EXOC6B: variants seen among roughly 807,000 people sequenced by gnomAD.
The protein encoded by EXOC6B is exocyst complex component 6B, also known as SEC15 homolog B.
A neutral mutation model predicts 113.5 loss-of-function variants in EXOC6B; 54 were observed. The ratio of observed to expected loss-of-function variants is 0.48; its 90% confidence interval spans 0.38 to 0.60. The LOEUF (loss-of-function observed/expected upper bound fraction) is 0.60. Among genes scored for constraint, EXOC6B ranks in the 20% least tolerant of loss-of-function variants. EXOC6B has a pLI of 0.00. For synonymous variants in EXOC6B, 357 were observed against 339.0 expected, an observed-to-expected ratio of 1.05 and a Z score of -0.58; for missense variants, 797 against 977.5, an observed-to-expected ratio of 0.82 and a Z score of 2.46.
intron 18 of EXOC6B, among the ~76,000 whole-genome samples, chr2:72,405,655 A>C (rs910251855): frequency 3.9e-5 from 6 of 152,124 alleles, no homozygotes; most frequent in Admixed American, 2.6e-4. Flanking sequence ...CAAATGCTGA[A>C]AGATTTTGTC....
At chr2:72,786,225 A>G (rs79097900) in intron 1 of EXOC6B, among the ~76,000 whole-genome samples, 2,481 of 152,362 alleles carry the variant, frequency 0.016, 89 homozygotes, top group African/African-American at 0.057. Context: ...ATACCAACAT[A>G]GATGCCAGAA....
intron 17 of EXOC6B, among the ~76,000 whole-genome samples, chr2:72,478,366 C>A (rs1297878614): frequency 6.6e-6 from 1 of 152,164 alleles, no homozygotes; most frequent in East Asian, 1.9e-4. Context: ...CTCTTTCTAC[C>A]CCTTTTCCAG....
At chr2:72,679,082 T>C (rs1046219062) in intron 6 of EXOC6B, among the ~76,000 whole-genome samples, 10 of 152,192 alleles carry the variant, frequency 6.6e-5, no homozygotes, top group African/African-American at 2.4e-4. Flanking sequence ...TCTTTTTTTT[T>C]TTTAAACAGA....
intron 18 of EXOC6B, among the ~76,000 whole-genome samples, chr2:72,387,560 G>A (rs1692112355): frequency 6.6e-6 from 1 of 152,008 alleles, no homozygotes; most frequent in Non-Finnish European, 1.5e-5. Context: ...TGTAATTTGT[G>A]TCTTTTATAA....
intron 20 of EXOC6B, among the ~76,000 whole-genome samples, chr2:72,329,533 C>G (rs1016998019): frequency 6.6e-6 from 1 of 151,966 alleles, no homozygotes; most frequent in African/African-American, 2.4e-5. Flanking sequence ...TCTACTGAGG[C>G]TAAAATACAA....
intron 8 of EXOC6B, among the ~76,000 whole-genome samples, chr2:72,517,472 G>A (rs1242941219): frequency 7.2e-5 from 11 of 151,872 alleles, no homozygotes; most frequent in South Asian, 2.1e-4. Flanking sequence ...AAATGAAATC[G>A]AACACTAGGA....
At chr2:72,456,977 C>T (rs1174588933) in intron 18 of EXOC6B, among the ~76,000 whole-genome samples, 1 of 148,558 alleles carries the variant, frequency 6.7e-6, no homozygotes, top group African/African-American at 2.5e-5. Flanking sequence ...AGTTAAAGGG[C>T]AGAAGCAGTA....
intron 20 of EXOC6B, among the ~76,000 whole-genome samples, chr2:72,324,910 A>C (rs945475023): frequency 6.6e-6 from 1 of 152,170 alleles, no homozygotes; most frequent in African/African-American, 2.4e-5. Context: ...TTCAGCATAA[A>C]GAGACTCCAA....
At chr2:72,369,488 C>T (rs1007195107) in intron 19 of EXOC6B, among the ~76,000 whole-genome samples, 5 of 152,138 alleles carry the variant, frequency 3.3e-5, no homozygotes, top group African/African-American at 1.2e-4. Flanking sequence ...CAATGACTTG[C>T]TTCACAGAAT....
At chr2:72,399,706 T>C (rs1050425958) in intron 18 of EXOC6B, among the ~76,000 whole-genome samples, 4 of 151,994 alleles carry the variant, frequency 2.6e-5, no homozygotes, top group Admixed American at 2.6e-4. Flanking sequence ...TACAAAATTA[T>C]AAAATACCCA....
chr2:72,580,343 A>G (rs1216526778), intron 6 of EXOC6B, among the ~76,000 whole-genome samples: 1 of 151,772 alleles, frequency 6.6e-6, no homozygotes, highest in Non-Finnish European at 1.5e-5. Context: ...TGGTTTCACC[A>G]TGTTGGCCAG....
chr2:72,422,554 C>A (rs1264819455), intron 18 of EXOC6B, among the ~76,000 whole-genome samples: 1 of 151,862 alleles, frequency 6.6e-6, no homozygotes, highest in East Asian at 1.9e-4. Flanking sequence ...CCTTGGAAAT[C>A]CTTTATGTCT....
chr2:72,657,225 CT>C (rs70963135), intron 6 of EXOC6B, among the ~76,000 whole-genome samples: 1,305 of 120,032 alleles, frequency 0.011, 10 homozygotes, highest in African/African-American at 0.036. Context: ...CCACAACTGT[CT>C]TTTTTTTTTT....
In EXOC6B at chr2:72,689,315, T is replaced by C. The variant is rs373000806; in HGVS notation, c.669+28788A>G. 6.6e-5 allele frequency among the ~76,000 whole-genome samples: 10 copies of C among 152,294 alleles called. No homozygotes were observed. In the East Asian group the frequency reaches 1.4e-3, roughly 21 times the overall value. ...TAACAGTATTATATCTCTAAACCCA[T>C]TGGCTCAAAAACATCACTTATCAAA... On this transcript the variant is annotated intron_variant, in intron 6 of 21. Transcript: ENST00000272427.
chr2:72,730,971 G>C, intron 5 of EXOC6B, 36 bp downstream of exon 5: 1 of 1,440,766 alleles, frequency 6.9e-7, no homozygotes, highest in Non-Finnish European at 9.3e-7. Context: ...AGAAATTTTA[G>C]ATAGTAAAAA....
intron 20 of EXOC6B, among the ~76,000 whole-genome samples, chr2:72,296,822 A>C (rs1426292982): frequency 6.6e-6 from 1 of 152,222 alleles, no homozygotes; most frequent in African/African-American, 2.4e-5. Flanking sequence ...ATCATGAATG[A>C]AATTCCCCAA....
intron 6 of EXOC6B, among the ~76,000 whole-genome samples, chr2:72,717,158 C>T (rs1161875286): frequency 6.6e-6 from 1 of 152,112 alleles, no homozygotes; most frequent in African/African-American, 2.4e-5. Context: ...AGGGAAATAT[C>T]TGCATTCCCT....
At chr2:72,779,247 T>A (rs1165641336) in intron 1 of EXOC6B, among the ~76,000 whole-genome samples, 3 of 151,816 alleles carry the variant, frequency 2.0e-5, no homozygotes, top group Non-Finnish European at 4.4e-5. Context: ...GTATAAAAAC[T>A]CAGAATCCCA....
intron 20 of EXOC6B, among the ~76,000 whole-genome samples, chr2:72,210,528 C>T (rs1452073340): frequency 1.3e-5 from 2 of 152,196 alleles, no homozygotes; most frequent in African/African-American, 4.8e-5. Context: ...TAATGAACTG[C>T]CCCCTCTCCT....
Sources: gnomAD v4.1 joint callset for allele counts (sites outside exome capture counted in the v4.1 genomes callset) on GRCh38, gnomAD v4.1.1 for gene constraint, MANE v1.5 for transcripts, NCBI Gene and HGNC (gene_info 2026-07-23, HGNC 2026-07-21) for gene names.